The following SASH1 variants were observed in gnomAD, a reference collection of about 807,000 sequenced individuals.
The protein encoded by SASH1 is SAM and SH3 domain-containing protein 1.
Under a neutral mutation model 125.2 loss-of-function variants are expected in SASH1, and 44 were observed. The observed-to-expected ratio is 0.35, with a 90% confidence interval of 0.28 to 0.45. The LOEUF (loss-of-function observed/expected upper bound fraction) is 0.45. Among genes scored for constraint, SASH1 ranks in the 20% least tolerant of loss-of-function variants. The pLI is 1.00. For missense variants in SASH1, 1,426 were observed against 1,614.5 expected (o/e 0.88, Z 2.00); for synonymous variants, 639 against 649.1 (o/e 0.98, Z 0.24).
the SASH1 span, among the ~76,000 whole-genome samples, chr6:148,219,804 C>G: frequency 2.0e-5 from 3 of 152,162 alleles, no homozygotes; most frequent in South Asian, 6.2e-4. Context: ...TTTAGACTTG[C>G]AGGCCTGGGT....
intron 1 of SASH1, among the ~76,000 whole-genome samples, chr6:148,377,988 G>A (rs945005768): frequency 7.9e-5 from 12 of 151,896 alleles, no homozygotes; most frequent in Non-Finnish European, 7.4e-5. Context: ...AAGTAGCAGA[G>A]AAAGAGAGAA....
At chr6:148,423,833 T>C (rs983277228) in intron 2 of SASH1, among the ~76,000 whole-genome samples, 1 of 152,108 alleles carries the variant, frequency 6.6e-6, no homozygotes, top group African/African-American at 2.4e-5. Context: ...CTTTGGAAGG[T>C]CGTCTGTTTC....
At chr6:148,369,966 CA>C (rs562924566) in intron 1 of SASH1, among the ~76,000 whole-genome samples, 285 of 93,590 alleles carry the variant, frequency 3.0e-3, no homozygotes, top group Admixed American at 5.2e-3. Context: ...AAAAGAAAAA[CA>C]AAAAAAAAAA....
At chr6:148,287,652 G>A (rs1171375511) in intron 1 of SASH1, among the ~76,000 whole-genome samples, 1 of 151,160 alleles carries the variant, frequency 6.6e-6, no homozygotes, top group Non-Finnish European at 1.5e-5. Context: ...TCTGTTCTGT[G>A]TATGTGTGTG....
At chr6:148,400,455 G>T (rs1008962026) in intron 2 of SASH1, among the ~76,000 whole-genome samples, 2 of 152,216 alleles carry the variant, frequency 1.3e-5, no homozygotes, top group East Asian at 3.8e-4. Context: ...ACAGTAGAGA[G>T]AACTGAGCTC....
chr6:148,534,643 C>T, intron 15 of SASH1, 108 bp from the exon 16 acceptor site: 2 of 1,070,996 alleles, frequency 1.9e-6, no homozygotes, highest in Non-Finnish European at 2.9e-6. Context: ...TTTGATTAGC[C>T]TGAAGGTGAC....
rs867176296 is a variant in SASH1 at position 148,429,610 on chromosome 6, G to A, written c.286-10574G>A. ...TAAAAAAAATAAATTAGGCATGGTG[G>A]TGTATACCCACAGCCCCAGCTGCTT... On this transcript the variant is annotated intron_variant, in intron 2 of 19. Transcript: ENST00000367467. 3.9e-5 allele frequency among the ~76,000 whole-genome samples: 6 copies of A among 152,030 alleles called. No individual in the cohort carries two copies. In the South Asian group the frequency reaches 6.2e-4, roughly 16 times the overall value.
At chr6:148,292,531 C>A (rs1779661873) in intron 1 of SASH1, among the ~76,000 whole-genome samples, 1 of 152,106 alleles carries the variant, frequency 6.6e-6, no homozygotes, top group South Asian at 2.1e-4. Flanking sequence ...CTCTACACCT[C>A]AAAAAATAGC....
chr6:148,365,244 C>T (rs1782402250), intron 1 of SASH1, among the ~76,000 whole-genome samples: 1 of 152,150 alleles, frequency 6.6e-6, no homozygotes, highest in African/African-American at 2.4e-5. Flanking sequence ...GATTTACAAC[C>T]CATGATTGCT....
chr6:148,410,537 G>T (rs1181144334), intron 2 of SASH1, among the ~76,000 whole-genome samples: 1 of 152,172 alleles, frequency 6.6e-6, no homozygotes, highest in Non-Finnish European at 1.5e-5. Flanking sequence ...GTAATCTAGA[G>T]CAGGTGTTTC....
chr6:148,383,911 T>C (rs1783257114), intron 1 of SASH1, among the ~76,000 whole-genome samples: 1 of 152,210 alleles, frequency 6.6e-6, no homozygotes, highest in South Asian at 2.1e-4. Context: ...CCCTTATCTC[T>C]GTATTTTTAT....
chr6:148,374,876 T>G (rs140181498), intron 1 of SASH1, among the ~76,000 whole-genome samples: 88 of 152,244 alleles, frequency 5.8e-4, no homozygotes, highest in African/African-American at 2.1e-3. Context: ...TTTGTATTTT[T>G]AGTAGAGACG....
intron 2 of SASH1, among the ~76,000 whole-genome samples, chr6:148,421,227 G>GAAAGAAAGA (rs1215052788): frequency 5.3e-5 from 8 of 151,540 alleles, no homozygotes; most frequent in Admixed American, 1.3e-4. Context: ...AAGAAAGAAA[G>GAAAGAAAGA]AAGGAAGTGA....
At chr6:148,358,190 T>G (rs1275401147) in intron 1 of SASH1, among the ~76,000 whole-genome samples, 1 of 152,042 alleles carries the variant, frequency 6.6e-6, no homozygotes, top group Non-Finnish European at 1.5e-5. Context: ...CAGACAGACT[T>G]GCAGACAAGT....
chr6:148,230,703 C>G, the SASH1 span, among the ~76,000 whole-genome samples: 5 of 152,288 alleles, frequency 3.3e-5, no homozygotes, highest in East Asian at 7.7e-4. Context: ...TATAGCCACT[C>G]TAGTGGGTGT....
rs551831704 is a variant in SASH1 at position 148,305,648 on chromosome 6, A to G, written n.74+33271A>G. 2.6e-5 allele frequency among the ~76,000 whole-genome samples: 4 copies of G among 151,920 alleles called. No homozygotes were observed. In the South Asian group the frequency reaches 8.3e-4, roughly 32 times the overall value. On this transcript the variant is annotated intron_variant and non_coding_transcript_variant, in intron 1 of 3. Transcript: ENST00000367469. ...CAAAAAAAAAAAAAAAAAAAAAGAA[A>G]GAAAGAAAGAAAAGAAAATGATCTC...
At chr6:148,487,314 G>T (rs987676811) in intron 7 of SASH1, among the ~76,000 whole-genome samples, 4 of 151,906 alleles carry the variant, frequency 2.6e-5, no homozygotes, top group African/African-American at 9.7e-5. Flanking sequence ...GAGGGGGAAA[G>T]TGAAAATTCT....
chr6:148,299,408 T>C (rs1779872197), intron 1 of SASH1, among the ~76,000 whole-genome samples: 1 of 152,072 alleles, frequency 6.6e-6, no homozygotes, highest in Admixed American at 6.6e-5. Context: ...GGCTCACACC[T>C]GTAGTCCCAG....
intron 2 of SASH1, among the ~76,000 whole-genome samples, chr6:148,439,741 C>T (rs558776590): frequency 6.6e-6 from 1 of 151,474 alleles, no homozygotes; most frequent in African/African-American, 2.4e-5. Context: ...CATGCCACTG[C>T]ACTCCAGCCT....
Sources: gnomAD v4.1 joint callset for allele counts (sites outside exome capture counted in the v4.1 genomes callset) on GRCh38, gnomAD v4.1.1 for gene constraint, MANE v1.5 for transcripts, NCBI Gene and HGNC (gene_info 2026-07-23, HGNC 2026-07-21) for gene names.